TRIO: variants seen among roughly 807,000 people sequenced by gnomAD.
TRIO encodes trio Rho guanine nucleotide exchange factor.
Under a neutral mutation model 351.9 loss-of-function variants are expected in TRIO, and 58 were observed. The observed-to-expected ratio is 0.16, with a 90% CI of 0.13 to 0.21. TRIO has a LOEUF of 0.21. Among genes scored for constraint, TRIO ranks in the 10% least tolerant of loss-of-function variants. TRIO has a pLI of 1.00. For synonymous variants in TRIO, 1,758 were observed against 1,595.7 expected, an observed-to-expected ratio of 1.10 and a Z score of -2.42; for missense variants, 3,201 against 4,027.8, an observed-to-expected ratio of 0.79 and a Z score of 5.56.
intron 1 of TRIO, among the ~76,000 whole-genome samples, chr5:14,144,143 C>T (rs2152110896): frequency 6.6e-6 from 1 of 152,276 alleles, no homozygotes; most frequent in Admixed American, 6.5e-5. Flanking sequence ...GCCCGCCCCT[C>T]GTTTTAGGGC....
At chr5:14,306,664 T>C (rs1046607993) in intron 8 of TRIO, among the ~76,000 whole-genome samples, 7 of 152,246 alleles carry the variant, frequency 4.6e-5, no homozygotes, top group African/African-American at 1.7e-4. Flanking sequence ...AGCCTTCATT[T>C]ACAAGGTGAT....
At chr5:14,305,244 TTCTCAGTCACCACCCTCTGCGGCC>T (rs1474135213) in intron 8 of TRIO, among the ~76,000 whole-genome samples, 2 of 152,230 alleles carry the variant, frequency 1.3e-5, no homozygotes, top group East Asian at 3.8e-4. Flanking sequence ...AGGCTGCATG[TTCTCAGTCACCACCCTCTGCGGCC>T]TCTGTGCCAT....
At chr5:14,197,057 G>A (rs368023783) in intron 1 of TRIO, among the ~76,000 whole-genome samples, 2 of 152,294 alleles carry the variant, frequency 1.3e-5, no homozygotes, top group East Asian at 1.9e-4. Flanking sequence ...CGTTGGATTG[G>A]AAGAATGGAG....
At chr5:14,232,438 C>T (rs143171941) in intron 1 of TRIO, among the ~76,000 whole-genome samples, 41 of 152,346 alleles carry the variant, frequency 2.7e-4, no homozygotes, top group Admixed American at 6.5e-4. Flanking sequence ...CACTCCTTGA[C>T]CTCTATAACG....
Position 14,476,801 on chromosome 5 carries a change from AAAG to A in TRIO, c.6084-90_6084-88del, listed in dbSNP as rs1429775866. 4.1e-4 allele frequency: 478 copies of A among 1,157,780 alleles called. 1 individual carries two copies. Among genetic ancestry groups the A allele is most frequent in the Admixed American group, 5.9e-4 (22 of 37,472 alleles). 71.7% of individuals were successfully genotyped at this position (1,157,780 alleles called of 1,614,324 possible). ...AGAGTGACACTCTCTCAAAAAAAAA[AAAG>A]AAAAAAAGAAAAAGAAAAAATGTAA... On this transcript the variant is annotated intron_variant, in intron 40 of 56. Coordinates refer to ENST00000344204, the MANE Select transcript of TRIO (RefSeq NM_007118.4).
At chr5:14,269,968 G>C (rs939690138) in intron 1 of TRIO, among the ~76,000 whole-genome samples, 1 of 152,208 alleles carries the variant, frequency 6.6e-6, no homozygotes, top group Non-Finnish European at 1.5e-5. Context: ...ACCTCTGTTA[G>C]AGATCGCCGA....
Position 14,508,378 on chromosome 5 carries a change from A to G in TRIO, c.9250A>G (p.Ser3084Gly), listed in dbSNP as rs1276372590. ...CCAGAATGATGTTCGACCTATCCGT[A>G]GCATTAAAAACTTTCTGCAGAGCAG... is the stretch of plus-strand genomic sequence containing the variant. The part of the protein sequence containing the change: ...KHQNDVRPIR[S>G]IKNFLQSRLL... The change falls in exon 57 of 57, where the codon AGC (serine) becomes GGC (glycine). Residue 3084 changes from serine to glycine, a missense_variant. This residue lies in a region of TRIO where 233 missense variants were observed against 292.6 expected (regional missense o/e 0.80). Transcript: ENST00000344204. 2 of 1,613,580 alleles carry G rather than the reference A, an allele frequency of 1.2e-6. No homozygotes were observed. The highest frequency in any genetic ancestry group is 1.6e-4 in the Middle Eastern group (1 of 6,062).
chr5:14,199,191 G>T, intron 1 of TRIO, among the ~76,000 whole-genome samples: 1 of 27,610 alleles, frequency 3.6e-5, no homozygotes, highest in Non-Finnish European at 6.4e-5. Flanking sequence ...AACAGAGTGG[G>T]ACTCAAAAAA....
At chr5:14,246,569 T>C (rs1024589862) in intron 1 of TRIO, among the ~76,000 whole-genome samples, 2 of 152,144 alleles carry the variant, frequency 1.3e-5, no homozygotes, top group Admixed American at 6.5e-5. Context: ...AACCGGAATG[T>C]CACTCTTTCA....
chr5:14,394,018 C>T lies in TRIO; in HGVS notation c.4219-20C>T. On this transcript the variant is annotated intron_variant, in intron 27 of 56. Transcript: ENST00000344204. Reference sequence around the variant, plus strand: ...TGTAGCCCTATGATAACTCTTGTTTCTTGTTTGGTTTTAATACAGGAGATA... The same window carrying T: ...TGTAGCCCTATGATAACTCTTGTTTTTTGTTTGGTTTTAATACAGGAGATA... The T allele has an allele frequency of 6.3e-7, 1 of 1,577,056 alleles. No individual in the cohort carries two copies. The highest frequency in any genetic ancestry group is 8.7e-7 in the Non-Finnish European group (1 of 1,149,394).
At chr5:14,433,885 T>C (rs909895635) in intron 34 of TRIO, among the ~76,000 whole-genome samples, 2 of 152,244 alleles carry the variant, frequency 1.3e-5, no homozygotes, top group African/African-American at 4.8e-5. Context: ...AATATATGTT[T>C]ACTCAAAAAG....
intron 48 of TRIO, among the ~76,000 whole-genome samples, chr5:14,489,630 G>A (rs1033732426): frequency 1.3e-5 from 2 of 152,190 alleles, no homozygotes; most frequent in African/African-American, 4.8e-5. Flanking sequence ...CATTCAGTAC[G>A]AGAGGAGATT....
chr5:14,457,018 A>G (rs1400948244), intron 34 of TRIO, among the ~76,000 whole-genome samples: 1 of 152,176 alleles, frequency 6.6e-6, no homozygotes, highest in East Asian at 1.9e-4. Flanking sequence ...TTCTACTGTG[A>G]AAAGAAAAAA....
chr5:14,153,152 G>A (rs1244996396), intron 1 of TRIO, among the ~76,000 whole-genome samples: 2 of 152,200 alleles, frequency 1.3e-5, no homozygotes, highest in Non-Finnish European at 2.9e-5. Context: ...ACAGATTTTC[G>A]GTGATAACCT....
rs369644135 is a variant in TRIO, at chr5:14,477,484, T to C, written c.6153+521T>C. On this transcript the variant is annotated intron_variant, in intron 41 of 56. Coordinates refer to ENST00000344204, the MANE Select transcript of TRIO (RefSeq NM_007118.4). ...TATATCTGCTTCTGCATCCAACTCATTGCTGTGTTTTTTGGTTCAAGTATC... is the reference window on the plus strand; with the variant it reads ...TATATCTGCTTCTGCATCCAACTCACTGCTGTGTTTTTTGGTTCAAGTATC... 1.6e-4 allele frequency among the ~76,000 whole-genome samples: 24 copies of C among 152,374 alleles called. 3 individuals are homozygous for C. The highest frequency in any genetic ancestry group is 1.1e-3 in the Admixed American group (17 of 15,306).
At position 14,507,041 on chromosome 5, in the gene TRIO, C is replaced by T. The variant is rs541173530; in HGVS notation, c.8613-81C>T. 3.1e-5 allele frequency: 45 copies of T among 1,474,784 alleles called. 2 individuals are homozygous for T. In the South Asian group the frequency reaches 4.5e-4, roughly 15 times the overall value. 91.4% of individuals were successfully genotyped at this position (1,474,784 alleles called of 1,614,324 possible). ...ACACATTCATAACAGGTGACAGGTCCGACATGTTTACTTCTTACTAGCCCA... is the reference window on the plus strand; with the variant it reads ...ACACATTCATAACAGGTGACAGGTCTGACATGTTTACTTCTTACTAGCCCA... On this transcript the variant is annotated intron_variant, in intron 55 of 56. Coordinates refer to ENST00000344204, the MANE Select transcript of TRIO (RefSeq NM_007118.4).
intron 34 of TRIO, among the ~76,000 whole-genome samples, chr5:14,450,422 T>C (rs879797687): frequency 6.6e-6 from 1 of 152,144 alleles, no homozygotes; most frequent in Non-Finnish European, 1.5e-5. Context: ...TGGGAGGGGC[T>C]GCGCAGGGAA....
intron 45 of TRIO, 70 bp from the exon 46 acceptor site, chr5:14,482,512 C>A: frequency 1.7e-6 from 2 of 1,191,840 alleles, no homozygotes; most frequent in Non-Finnish European, 2.2e-6. Context: ...CTAAAGAAAA[C>A]AGCTTCAGAT....
intron 1 of TRIO, among the ~76,000 whole-genome samples, chr5:14,260,656 T>G (rs539232789): frequency 6.6e-6 from 1 of 152,304 alleles, no homozygotes; most frequent in African/African-American, 2.4e-5. Context: ...ATTCTGATGT[T>G]TGTTTGTGGC....
Sources: gnomAD v4.1 joint callset for allele counts (sites outside exome capture counted in the v4.1 genomes callset) on GRCh38, gnomAD v4.1.1 for gene constraint, gnomAD v4.1.1 regional missense constraint, MANE v1.5 for transcripts, NCBI Gene and HGNC (gene_info 2026-07-23, HGNC 2026-07-21) for gene names.